BMP7: variants seen among roughly 807,000 people sequenced by gnomAD.
The protein encoded by BMP7 is bone morphogenetic protein 7, also known as osteogenic protein 1.
BMP7 carries 12 observed loss-of-function variants against 41.2 expected under a neutral mutation model. The ratio of observed to expected loss-of-function variants is 0.29; its 90% confidence interval spans 0.19 to 0.47. The LOEUF (loss-of-function observed/expected upper bound fraction) is 0.47, where lower values mean the gene tolerates loss of function less well. Ranked by LOEUF, BMP7 falls within the 20% of genes least tolerant of loss-of-function variation. BMP7 has a pLI of 0.99. For synonymous variants in BMP7, 248 were observed against 250.0 expected, an observed-to-expected ratio of 0.99 and a Z score of 0.07; for missense variants, 467 against 606.0, an observed-to-expected ratio of 0.77 and a Z score of 2.41.
At chr20:57,251,457 G>A (rs542856514) in intron 1 of BMP7, among the ~76,000 whole-genome samples, 8 of 152,318 alleles carry the variant, frequency 5.3e-5, no homozygotes, top group Admixed American at 3.3e-4. Context: ...CCCTGTGTTC[G>A]ACATCACCCT....
At chr20:57,216,730 G>C (rs543231821) in intron 2 of BMP7, among the ~76,000 whole-genome samples, 275 of 152,296 alleles carry the variant, frequency 1.8e-3, no homozygotes, top group Non-Finnish European at 2.8e-3. Context: ...AAGGTGTGTG[G>C]GGAGGGGAAG....
At position 57,174,875 on chromosome 20, in the gene BMP7, C is replaced by T. The variant is rs112630476; in HGVS notation, c.1035+56G>A. The T allele has an allele frequency of 5.1e-3, 7,868 of 1,550,662 alleles. 61 individuals are homozygous for T. Among genetic ancestry groups the T allele is most frequent in the South Asian group, 0.022 (1,917 of 87,184 alleles). On this transcript the variant is annotated intron_variant, in intron 5 of 6. Coordinates refer to ENST00000395863, the MANE Select transcript of BMP7 (RefSeq NM_001719.3). The surrounding 1 kb of genome is among the most constrained non-coding windows in gnomAD (Gnocchi z 4.3). The stretch of plus-strand genomic sequence containing the variant: ...AAGACTGAGCACAGACCCGCTGCCT[C>T]GTGGGAGCCCACGCCAGAGGGCCCA...
At position 57,265,832 on chromosome 20, in the gene BMP7, C is replaced by A; in HGVS notation, c.291G>T (p.Gly97=). 4.4e-6 allele frequency: 7 copies of A among 1,606,456 alleles called. No homozygotes were observed. In the South Asian group the frequency reaches 5.6e-5, roughly 13 times the overall value. The change falls in exon 1 of 7, where the codon GGG becomes GGT. Residue 97 remains glycine (G), a synonymous_variant. Transcript: ENST00000395863. The part of the protein sequence containing the change: ...YNAMAVEEGG[G]PGGQGFSYPY... Reference sequence around the variant, plus strand: ...GGTAGGAGAAGCCCTGGCCGCCGGGCCCGCCGCCCTCCTCCACCGCCATGG... The same window carrying A: ...GGTAGGAGAAGCCCTGGCCGCCGGGACCGCCGCCCTCCTCCACCGCCATGG...
At chr20:57,211,661 G>A (rs1344810380) in intron 2 of BMP7, among the ~76,000 whole-genome samples, 1 of 152,200 alleles carries the variant, frequency 6.6e-6, no homozygotes, top group Non-Finnish European at 1.5e-5. Context: ...TAAGGGTCCT[G>A]ATAACAGGGG....
At chr20:57,178,475 G>A (rs1371724193) in intron 4 of BMP7, among the ~76,000 whole-genome samples, 1 of 152,090 alleles carries the variant, frequency 6.6e-6, no homozygotes, top group African/African-American at 2.4e-5. Flanking sequence ...GGGAGAGAGA[G>A]AACCAGCTCT....
chr20:57,246,617 T>C (rs2066091627), intron 1 of BMP7, among the ~76,000 whole-genome samples: 1 of 152,236 alleles, frequency 6.6e-6, no homozygotes, highest in Admixed American at 6.5e-5. Flanking sequence ...TGCTCATTTA[T>C]CTGCTCTGTA....
intron 1 of BMP7, among the ~76,000 whole-genome samples, chr20:57,260,578 C>T (rs960731445): frequency 2.6e-5 from 4 of 152,176 alleles, no homozygotes; most frequent in South Asian, 2.1e-4. Context: ...ATGGCACCGG[C>T]GCATTTGATT....
At chr20:57,209,268 T>A (rs1271330540) in intron 2 of BMP7, among the ~76,000 whole-genome samples, 12 of 129,908 alleles carry the variant, frequency 9.2e-5, no homozygotes, top group African/African-American at 4.0e-4. Context: ...TATATATATA[T>A]ATATATATAT....
At chr20:57,207,811 GTTTTTTTTTTTTTTTT>G (rs572613876) in intron 2 of BMP7, among the ~76,000 whole-genome samples, 1 of 109,982 alleles carries the variant, frequency 9.1e-6, no homozygotes, top group Non-Finnish European at 1.7e-5. Flanking sequence ...ACCCCAGTTG[GTTTTTTTTTTTTTTTT>G]TTTTTTTTTT....
At chr20:57,223,893 T>A (rs1985248279) in intron 2 of BMP7, among the ~76,000 whole-genome samples, 1 of 152,092 alleles carries the variant, frequency 6.6e-6, no homozygotes, top group Admixed American at 6.5e-5. Context: ...CACCCCAGCA[T>A]CCCCAGGAGA....
At chr20:57,199,679 A>G (rs1437391845) in intron 3 of BMP7, among the ~76,000 whole-genome samples, 3 of 152,212 alleles carry the variant, frequency 2.0e-5, no homozygotes, top group Non-Finnish European at 4.4e-5. Flanking sequence ...TGATGTCTCG[A>G]AAATCCCGGA....
chr20:57,203,907 CAT>C (rs1406740767), intron 2 of BMP7, among the ~76,000 whole-genome samples: 1 of 152,196 alleles, frequency 6.6e-6, no homozygotes, highest in Admixed American at 6.5e-5. Flanking sequence ...GAGCACTTAC[CAT>C]ATGCCAGGCT....
chr20:57,201,435 A>G (rs1043379292), intron 3 of BMP7, among the ~76,000 whole-genome samples: 1 of 152,174 alleles, frequency 6.6e-6, no homozygotes, highest in Non-Finnish European at 1.5e-5. Flanking sequence ...ATGCCAGGCC[A>G]CCATTTATGG....
intron 1 of BMP7, among the ~76,000 whole-genome samples, chr20:57,264,047 T>A (rs1048884627): frequency 6.6e-6 from 1 of 152,242 alleles, no homozygotes; most frequent in African/African-American, 2.4e-5. Flanking sequence ...GGTCATATGT[T>A]GCTGCTTCCT....
intron 2 of BMP7, among the ~76,000 whole-genome samples, chr20:57,204,965 T>A (rs1378800781): frequency 9.2e-5 from 14 of 152,136 alleles, no homozygotes; most frequent in Non-Finnish European, 1.8e-4. Context: ...TCTTTATGAA[T>A]GGGTTTGAGG....
intron 2 of BMP7, among the ~76,000 whole-genome samples, chr20:57,223,778 G>A (rs1294564661): frequency 6.6e-6 from 1 of 152,208 alleles, no homozygotes; most frequent in Admixed American, 6.5e-5. Flanking sequence ...TCTGGAACGT[G>A]ACCATGGCTC....
chr20:57,173,081 G>T, intron 6 of BMP7, 119 bp downstream of exon 6: 1 of 1,108,870 alleles, frequency 9.0e-7, no homozygotes, highest in Non-Finnish European at 1.4e-6. Context: ...GCCCCCAAAA[G>T]TCATGACATG....
intron 3 of BMP7, among the ~76,000 whole-genome samples, chr20:57,193,957 T>G (rs1380220188): frequency 6.6e-6 from 1 of 152,198 alleles, no homozygotes; most frequent in African/African-American, 2.4e-5. Flanking sequence ...GAGGCAGAAG[T>G]GGCTGGTGCG....
intron 3 of BMP7, among the ~76,000 whole-genome samples, chr20:57,193,497 C>T (rs1984424683): frequency 6.6e-6 from 1 of 152,218 alleles, no homozygotes; most frequent in Non-Finnish European, 1.5e-5. Flanking sequence ...TGGCAAGACA[C>T]TGACCCACTC....
Sources: gnomAD v4.1 joint callset for allele counts (sites outside exome capture counted in the v4.1 genomes callset) on GRCh38, gnomAD v4.1.1 for gene constraint, Gnocchi (gnomAD v3.1) non-coding constraint, MANE v1.5 for transcripts, NCBI Gene and HGNC (gene_info 2026-07-23, HGNC 2026-07-21) for gene names.